The following MMP16 variants were observed in gnomAD, a reference collection of about 807,000 sequenced individuals.
MMP16 encodes the protein matrix metalloproteinase-16.
Under a neutral mutation model 67.8 loss-of-function variants are expected in MMP16, and 12 were observed. The ratio of observed to expected loss-of-function variants is 0.18; its 90% CI spans 0.11 to 0.29. The LOEUF (loss-of-function observed/expected upper bound fraction) is 0.29, where lower values mean the gene tolerates loss of function less well. Ranked by LOEUF, MMP16 falls within the 10% of genes least tolerant of loss-of-function variation. The probability of loss-of-function intolerance (pLI) is 1.00; values close to 1 mark genes in which losing one functional copy is unlikely to be tolerated. For missense variants in MMP16, 475 were observed against 765.7 expected (o/e 0.62, Z 4.48); for synonymous variants, 249 against 255.9 (o/e 0.97, Z 0.26).
At chr8:88,307,289 C>A (rs537628453) in intron 1 of MMP16, among the ~76,000 whole-genome samples, 55 of 152,200 alleles carry the variant, frequency 3.6e-4, no homozygotes, top group African/African-American at 1.3e-3. Context: ...CTTTTTGTAT[C>A]ATGAAATGAA....
chr8:88,198,545 C>T (rs1809292489), intron 1 of MMP16, among the ~76,000 whole-genome samples: 1 of 151,946 alleles, frequency 6.6e-6, no homozygotes, highest in South Asian at 2.1e-4. Flanking sequence ...CATATTTTCC[C>T]AGTGAAAATA....
intron 3 of MMP16, among the ~76,000 whole-genome samples, chr8:88,171,572 G>A (rs1475305693): frequency 6.6e-6 from 1 of 151,978 alleles, no homozygotes; most frequent in Non-Finnish European, 1.5e-5. Context: ...GTGGATTTTG[G>A]ATAGAATAAA....
intron 1 of MMP16, among the ~76,000 whole-genome samples, chr8:88,309,781 T>C (rs963327718): frequency 3.3e-5 from 5 of 152,114 alleles, no homozygotes; most frequent in Non-Finnish European, 5.9e-5. Flanking sequence ...ATCACCAATA[T>C]AGCAAAAGCA....
intron 6 of MMP16, among the ~76,000 whole-genome samples, chr8:88,113,357 A>G (rs1286540747): frequency 6.6e-6 from 1 of 151,854 alleles, no homozygotes; most frequent in Non-Finnish European, 1.5e-5. Context: ...ATTAAAATTT[A>G]GGAGAAAATA....
At chr8:88,223,084 G>A (rs1260197475) in intron 1 of MMP16, among the ~76,000 whole-genome samples, 2 of 151,984 alleles carry the variant, frequency 1.3e-5, no homozygotes, top group African/African-American at 2.4e-5. Context: ...CAACAGACAC[G>A]TGAAAAAATG....
intron 6 of MMP16, among the ~76,000 whole-genome samples, chr8:88,091,022 A>C (rs1288226806): frequency 6.6e-6 from 1 of 151,794 alleles, no homozygotes; most frequent in Admixed American, 6.6e-5. Context: ...TTTGACCTAC[A>C]GTAACTTAAT....
chr8:88,220,299 A>C (rs1809660945), intron 1 of MMP16, among the ~76,000 whole-genome samples: 1 of 152,068 alleles, frequency 6.6e-6, no homozygotes, highest in African/African-American at 2.4e-5. Flanking sequence ...GTGTTTTGTT[A>C]TGACTTTTAA....
chr8:88,201,151 A>C (rs1159467944), intron 1 of MMP16, among the ~76,000 whole-genome samples: 1 of 76,824 alleles, frequency 1.3e-5, no homozygotes. Context: ...CCCCAAAAAA[A>C]AAAAAAAAAA....
At chr8:88,175,351 T>A (rs2129722969) in intron 3 of MMP16, among the ~76,000 whole-genome samples, 1 of 152,328 alleles carries the variant, frequency 6.6e-6, no homozygotes, top group East Asian at 1.9e-4. Context: ...TCAGGAATAA[T>A]TATTTTTTGA....
intron 6 of MMP16, among the ~76,000 whole-genome samples, chr8:88,088,074 C>A (rs944632484): frequency 6.1e-5 from 6 of 98,292 alleles, no homozygotes; most frequent in African/African-American, 1.3e-4. Context: ...TAATAGATAT[C>A]TATATATCTA....
intron 1 of MMP16, among the ~76,000 whole-genome samples, chr8:88,245,808 G>A (rs1586223964): frequency 6.6e-6 from 1 of 152,098 alleles, no homozygotes; most frequent in African/African-American, 2.4e-5. Context: ...GGAGAAAAGT[G>A]ATGCACATTC....
intron 1 of MMP16, among the ~76,000 whole-genome samples, chr8:88,297,584 C>T (rs1322007716): frequency 1.3e-5 from 2 of 152,174 alleles, no homozygotes; most frequent in African/African-American, 4.8e-5. Flanking sequence ...CAGAGAGGGT[C>T]TTGATACAGT....
chr8:88,177,900 A>G lies in MMP16; in HGVS notation c.404+8576T>C, dbSNP rs1026558043. On this transcript the variant is annotated intron_variant, in intron 3 of 9. Coordinates refer to ENST00000286614, the MANE Select transcript of MMP16 (RefSeq NM_005941.5). ...CAAACCAACAGGGCTCCACTATATT[A>G]TATATATGAGATAGTTTAAAGATGA... 1.2e-4 allele frequency among the ~76,000 whole-genome samples: 18 copies of G among 152,162 alleles called. 1 individual carries two copies. Among genetic ancestry groups the G allele is most frequent in the Middle Eastern group, 3.4e-3 (1 of 294 alleles).
intron 8 of MMP16, among the ~76,000 whole-genome samples, chr8:88,048,556 C>T (rs1366577721): frequency 6.6e-6 from 1 of 152,198 alleles, no homozygotes; most frequent in Non-Finnish European, 1.5e-5. Context: ...ATGAGATAGT[C>T]ATCACTGTCC....
chr8:88,320,566 T>C (rs553904525), intron 1 of MMP16, among the ~76,000 whole-genome samples: 1 of 152,314 alleles, frequency 6.6e-6, no homozygotes, highest in East Asian at 1.9e-4. Context: ...TCATCAAATA[T>C]GTAATCACTG....
chr8:88,076,319 A>T (rs1288625130), intron 6 of MMP16, among the ~76,000 whole-genome samples: 2 of 152,138 alleles, frequency 1.3e-5, no homozygotes, highest in Non-Finnish European at 2.9e-5. Context: ...ACAGACTAGT[A>T]CCAACATTTT....
chr8:88,187,737 A>C (rs1347023439), intron 2 of MMP16, among the ~76,000 whole-genome samples: 1 of 152,192 alleles, frequency 6.6e-6, no homozygotes, highest in Non-Finnish European at 1.5e-5. Context: ...TGAAATAATA[A>C]CTTTTACTTC....
chr8:88,097,635 A>T (rs1448893289), intron 6 of MMP16, among the ~76,000 whole-genome samples: 1 of 150,622 alleles, frequency 6.6e-6, no homozygotes, highest in Non-Finnish European at 1.5e-5. Context: ...CAAAAAAAAA[A>T]AAAAAAAAAA....
intron 7 of MMP16, among the ~76,000 whole-genome samples, chr8:88,068,439 T>C (rs1808491737): frequency 6.6e-6 from 1 of 152,086 alleles, no homozygotes. Flanking sequence ...TAGATTATGA[T>C]TTTGCATGAT....
Sources: allele counts gnomAD v4.1 joint callset (sites outside exome capture counted in the v4.1 genomes callset), GRCh38; gene constraint gnomAD v4.1.1; transcripts MANE v1.5; gene names NCBI Gene and HGNC (gene_info 2026-07-23, HGNC 2026-07-21).